The following PPP2R3C variants were observed in gnomAD, a reference collection of about 807,000 sequenced individuals.
PPP2R3C encodes serine/threonine-protein phosphatase 2A regulatory subunit B'' subunit gamma.
A neutral mutation model predicts 63.7 loss-of-function variants in PPP2R3C; 47 were observed. That is an observed-to-expected ratio of 0.74 (90% CI 0.58 to 0.94). The LOEUF (loss-of-function observed/expected upper bound fraction) is 0.94, where lower values mean the gene tolerates loss of function less well. Among genes scored for constraint, PPP2R3C ranks in the 40% least tolerant of loss-of-function variants. The pLI is 0.00. For synonymous variants in PPP2R3C, 180 were observed against 177.4 expected (o/e 1.01, Z -0.12); for missense variants, 421 against 518.4 (o/e 0.81, Z 1.82).
chr14:35,110,259 G>A (rs149907608), intron 3 of PPP2R3C: 6 of 450,644 alleles, frequency 1.3e-5, no homozygotes, highest in African/African-American at 1.2e-4. Context: ...AACCTCTGTA[G>A]TCTGACCCTA....
intron 2 of PPP2R3C, among the ~76,000 whole-genome samples, chr14:35,115,309 C>T (rs193088619): frequency 8.8e-4 from 133 of 151,416 alleles, no homozygotes; most frequent in Middle Eastern, 3.4e-3. Flanking sequence ...ACTACAGGTG[C>T]GCACCACCAT....
At position 35,091,205 on chromosome 14, in the gene PPP2R3C, G is replaced by C; in HGVS notation, c.978C>G (p.Asp326Glu). 6.2e-7 allele frequency: 1 copy of C among 1,604,644 alleles called. No individual in the cohort carries two copies. The highest frequency in any genetic ancestry group is 8.5e-7 in the Non-Finnish European group (1 of 1,176,550). ...QECLTYDGEM[D>E]YKTYLDFVLA... Reference sequence around the variant, plus strand: ...GGACAAAGTCCAAGTAGGTCTTATAGTCCTACAGAACAGAAAATAATGTTC... The same window carrying C: ...GGACAAAGTCCAAGTAGGTCTTATACTCCTACAGAACAGAAAATAATGTTC... The change falls in exon 11 of 13, where the codon GAC becomes GAG. Residue 326 changes from aspartate to glutamate, a missense_variant and splice_region_variant. Physicochemically the swap from Asp to Glu is conservative, Grantham distance 45. Around this residue, in one of 3 missense-constraint regions of PPP2R3C, gnomAD observed 231 missense variants for 264.8 expected, o/e 0.87. Transcript: ENST00000261475.
chr14:35,114,566 T>A (rs1236941597), intron 2 of PPP2R3C, among the ~76,000 whole-genome samples: 3 of 152,236 alleles, frequency 2.0e-5, no homozygotes, highest in Non-Finnish European at 4.4e-5. Context: ...CCAGCTAAGA[T>A]TCCAGTTAAC....
At chr14:35,088,612 G>T (rs767905797) in intron 11 of PPP2R3C, among the ~76,000 whole-genome samples, 1 of 152,298 alleles carries the variant, frequency 6.6e-6, no homozygotes, top group East Asian at 1.9e-4. Flanking sequence ...AGTCAACTTT[G>T]TTCCCGATGC....
In PPP2R3C at chr14:35,099,305, T is replaced by TAA; in HGVS notation, c.651_652dup (p.Tyr218PhefsTer14). ...GAACTTCCTAACTGCTGTACAAACA[T>TAA]AAAAGGAGTAGAAAGATTTTTCCAG... On this transcript the variant is annotated frameshift_variant, in exon 7 of 13. Coordinates refer to ENST00000261475, the MANE Select transcript of PPP2R3C (RefSeq NM_017917.4). LOFTEE classifies it high-confidence loss of function. 1.2e-6 allele frequency: 2 copies of TAA among 1,603,748 alleles called. No individual in the cohort carries two copies. Among genetic ancestry groups the TAA allele is most frequent in the Non-Finnish European group, 1.7e-6 (2 of 1,177,792 alleles).
Position 35,095,135 on chromosome 14 carries a change from T to C in PPP2R3C, c.888A>G (p.Glu296=), listed in dbSNP as rs763057891. 1 of 1,613,462 alleles carries C rather than the reference T, an allele frequency of 6.2e-7. No homozygotes were observed. Among genetic ancestry groups the C allele is most frequent in the Non-Finnish European group, 8.5e-7 (1 of 1,179,348 alleles). Residue 296 remains glutamate, a synonymous_variant, in exon 10 of 13, where the codon GAA becomes GAG. Coordinates refer to ENST00000261475, the MANE Select transcript of PPP2R3C (RefSeq NM_017917.4). ...DKDHNGMLSK[E]ELSRYGTATM... is the part of the protein sequence containing the mutation. The stretch of plus-strand genomic sequence containing the variant: ...TAGCTGTTCCATAGCGTGAGAGTTC[T>C]TCTTTACTGAGCATGCCATTGTGAT...
At chr14:35,121,762 A>G (rs920806132) in intron 1 of PPP2R3C, 140 bp downstream of exon 1, 49 of 945,464 alleles carry the variant, frequency 5.2e-5, no homozygotes, top group Admixed American at 4.9e-5. Context: ...CTTAAACCAC[A>G]TTCCACTCCG....
At chr14:35,099,103 T>C in intron 7 of PPP2R3C, 149 bp downstream of exon 7, 1 of 1,066,988 alleles carries the variant, frequency 9.4e-7, no homozygotes, top group Non-Finnish European at 1.3e-6. Context: ...TACTGTTTTT[T>C]CTACCTTTTT....
Position 35,085,635 on chromosome 14 carries a change from A to G in PPP2R3C, c.1317T>C (p.Leu439=). 1 of 1,613,154 alleles carries G rather than the reference A, an allele frequency of 6.2e-7. No individual in the cohort carries two copies. The highest frequency in any genetic ancestry group is 1.1e-5 in the South Asian group (1 of 90,798). The change falls in exon 13 of 13, where the codon CTT becomes CTC. Residue 439 remains leucine (L), a synonymous_variant. Transcript: ENST00000261475. ...GFWTYENREA[L]VANDSENSAD... The stretch of plus-strand genomic sequence containing the variant: ...CAGAGTTTTCACTGTCATTTGCAAC[A>G]AGAGCCTCTCTGTTCTCGTAAGTCC...
In PPP2R3C at chr14:35,091,461, G is replaced by A. The variant is rs556324937; in HGVS notation, c.976-254C>T. 5.0e-4 allele frequency among the ~76,000 whole-genome samples: 76 copies of A among 151,962 alleles called. 1 individual carries two copies. The South Asian group carries it at 5.2e-3, about 10-fold the overall frequency. On this transcript the variant is annotated intron_variant, in intron 10 of 12. Transcript: ENST00000261475. ...TGGCTCACCACAACCTCCACCTCCC[G>A]GGTTCAAGCAATTCTCCTGCCTCAG...
chr14:35,107,412 T>C (rs749651070), intron 5 of PPP2R3C, 38 bp from the exon 6 acceptor site: 3 of 1,482,790 alleles, frequency 2.0e-6, no homozygotes, highest in Non-Finnish European at 2.8e-6. Context: ...ATTCTTAAGA[T>C]CTATCCTTCA....
intron 7 of PPP2R3C, 46 bp from the exon 8 acceptor site, chr14:35,096,810 A>G (rs1434613930): frequency 1.1e-5 from 16 of 1,498,790 alleles, no homozygotes; most frequent in Admixed American, 4.9e-5. Flanking sequence ...TTAAGAAAAG[A>G]GCAACTCAAT....
intron 10 of PPP2R3C, among the ~76,000 whole-genome samples, chr14:35,094,244 C>T (rs972583121): frequency 2.6e-5 from 4 of 152,190 alleles, no homozygotes; most frequent in East Asian, 1.9e-4. Context: ...CATCATAGCT[C>T]ACTGCAGCCT....
chr14:35,121,976 G>C lies in PPP2R3C; in HGVS notation c.-17C>G. On this transcript the variant is annotated 5_prime_UTR_variant, in exon 1 of 13. Coordinates refer to ENST00000261475, the MANE Select transcript of PPP2R3C (RefSeq NM_017917.4). ...CCAGTCCATGGCCGACTTCCGCGCAGCAGCTTCTGCATTTGCTGTTTCCTA... is the reference window on the plus strand; with the variant it reads ...CCAGTCCATGGCCGACTTCCGCGCACCAGCTTCTGCATTTGCTGTTTCCTA... 1 of 1,614,138 alleles carries C rather than the reference G, an allele frequency of 6.2e-7. No individual in the cohort carries two copies.
chr14:35,105,486 G>A lies in PPP2R3C; in HGVS notation c.573+1818C>T, dbSNP rs574017475. 1.4e-3 allele frequency among the ~76,000 whole-genome samples: 219 copies of A among 151,308 alleles called. 1 individual carries two copies. Among genetic ancestry groups the A allele is most frequent in the African/African-American group, 5.2e-3 (214 of 41,306 alleles). On this transcript the variant is annotated intron_variant, in intron 6 of 12. Transcript: ENST00000261475. ...ATGAGCCACCGCGCCCAGCCAAAAG[G>A]CCTTTTTTTTTTAAAGTTTGAAGAA...
intron 6 of PPP2R3C, among the ~76,000 whole-genome samples, chr14:35,105,927 C>T (rs1451712576): frequency 1.3e-5 from 2 of 151,942 alleles, no homozygotes; most frequent in Non-Finnish European, 2.9e-5. Context: ...ACTGCAAGCT[C>T]CGCCTCCTGG....
intron 10 of PPP2R3C, 31 bp from the exon 11 acceptor site, chr14:35,091,238 G>T: frequency 6.5e-7 from 1 of 1,537,854 alleles, no homozygotes; most frequent in African/African-American, 1.4e-5. Context: ...TTCATTAGAG[G>T]CCTTAGTTGA....
chr14:35,112,388 C>A (rs367697087), intron 2 of PPP2R3C, among the ~76,000 whole-genome samples: 1 of 152,208 alleles, frequency 6.6e-6, no homozygotes, highest in African/African-American at 2.4e-5. Flanking sequence ...CAGGCATGAG[C>A]CACCACACCC....
At chr14:35,119,579 C>T (rs770876920) in intron 1 of PPP2R3C, among the ~76,000 whole-genome samples, 6 of 151,826 alleles carry the variant, frequency 4.0e-5, no homozygotes, top group Non-Finnish European at 7.4e-5. Context: ...TGGCCTCAAG[C>T]GATCTTCCCA....
Sources: gnomAD v4.1 joint callset for allele counts (sites outside exome capture counted in the v4.1 genomes callset) on GRCh38, gnomAD v4.1.1 for gene constraint, gnomAD v4.1.1 regional missense constraint, MANE v1.5 for transcripts, NCBI Gene and HGNC (gene_info 2026-07-23, HGNC 2026-07-21) for gene names.